AFF2: variants seen among roughly 807,000 people sequenced by gnomAD.
The protein encoded by AFF2 is ALF transcription elongation factor 2, also known as AF4/FMR2 family member 2.
In AFF2, 14 loss-of-function variants were observed where a neutral mutation model predicts 76.9. The ratio of observed to expected loss-of-function variants is 0.18; its 90% CI spans 0.12 to 0.28. The LOEUF (loss-of-function observed/expected upper bound fraction) is 0.28. Ranked by LOEUF, AFF2 falls within the 10% of genes least tolerant of loss-of-function variation. The pLI is 1.00. For missense variants in AFF2, 868 were observed against 1,001.1 expected (o/e 0.87, Z 1.79); for synonymous variants, 398 against 366.7 (o/e 1.09, Z -0.98).
intron 1 of AFF2, among the ~76,000 whole-genome samples, chrX:148,620,204 T>C (rs782004911): frequency 9.0e-5 from 10 of 111,011 alleles, no homozygotes; most frequent in African/African-American, 3.3e-4. Context: ...TGTCTCTCAT[T>C]GTTACTCAGT....
intron 1 of AFF2, among the ~76,000 whole-genome samples, chrX:148,508,623 C>T (rs1244028128): frequency 9.0e-6 from 1 of 111,630 alleles, no homozygotes; most frequent in African/African-American, 3.3e-5. Context: ...AATGCAATTA[C>T]GTAGGCTTTA....
chrX:148,678,210 T>C (rs1161279621), intron 3 of AFF2, among the ~76,000 whole-genome samples: 1 of 112,041 alleles, frequency 8.9e-6, no homozygotes, highest in Non-Finnish European at 1.9e-5. Flanking sequence ...GTGAAGAATA[T>C]AGAAGCCTGG....
intron 9 of AFF2, among the ~76,000 whole-genome samples, chrX:148,927,314 T>C (rs945122550): frequency 6.3e-5 from 7 of 111,929 alleles, no homozygotes; most frequent in Non-Finnish European, 1.1e-4. Flanking sequence ...CTAAATAAGC[T>C]TAATAATTTT....
At chrX:148,790,220 A>G (rs782271436) in intron 3 of AFF2, among the ~76,000 whole-genome samples, 13 of 111,504 alleles carry the variant, frequency 1.2e-4, no homozygotes, top group Non-Finnish European at 2.3e-4. Flanking sequence ...ACGCTTTAAT[A>G]CTGTTTAATA....
At chrX:148,855,721 T>A (rs1273582273) in intron 7 of AFF2, among the ~76,000 whole-genome samples, 1 of 111,802 alleles carries the variant, frequency 8.9e-6, no homozygotes, top group Non-Finnish European at 1.9e-5. Flanking sequence ...TGTGCTGGAA[T>A]GGCTGGGTTC....
chrX:148,988,408 C>G (rs1195939255), intron 20 of AFF2, among the ~76,000 whole-genome samples: 1 of 111,502 alleles, frequency 9.0e-6, no homozygotes, highest in Non-Finnish European at 1.9e-5. Context: ...GCAGATTTTG[C>G]AACCCAATCA....
At chrX:148,577,699 T>C (rs1451303171) in intron 1 of AFF2, among the ~76,000 whole-genome samples, 1 of 112,517 alleles carries the variant, frequency 8.9e-6, no homozygotes, top group Non-Finnish European at 1.9e-5. Context: ...TTTTGCACTT[T>C]CATTTGTTAA....
intron 9 of AFF2, among the ~76,000 whole-genome samples, chrX:148,922,799 A>T (rs2071610256): frequency 8.9e-6 from 1 of 111,749 alleles, no homozygotes; most frequent in Non-Finnish European, 1.9e-5. Flanking sequence ...TCTGTTTTTC[A>T]CTTACCATCC....
chrX:148,973,471 T>A lies in AFF2; in HGVS notation c.3268T>A (p.Phe1090Ile), dbSNP rs147991137. The part of the protein sequence containing the change: ...KKLKHKADAL[F>I]EKFGKAVNYA... ...TTGACGAGTCATCTTCCTGTTTCAG[T>A]TCGAGAAATTTGGCAAAGCTGTGAA... is the stretch of plus-strand genomic sequence containing the variant. Residue 1090 changes from phenylalanine to isoleucine, a missense_variant and splice_region_variant, in exon 16 of 21, where the codon TTC (phenylalanine) becomes ATC (isoleucine). This residue lies in a region of AFF2 where 57 missense variants were observed against 117.8 expected (regional missense o/e 0.48). Transcript: ENST00000370460. 4.1e-5 allele frequency: 50 copies of A among 1,209,373 alleles called. No homozygotes were observed. The African/African-American group carries it at 7.7e-4, about 19-fold the overall frequency.
intron 2 of AFF2, among the ~76,000 whole-genome samples, chrX:148,654,149 A>G (rs1335018080): frequency 3.6e-5 from 4 of 111,825 alleles, no homozygotes; most frequent in Non-Finnish European, 7.5e-5. Flanking sequence ...GGAAACTCCA[A>G]AGGAATGATC....
chrX:148,832,112 T>G (rs1206314612), intron 4 of AFF2, among the ~76,000 whole-genome samples: 1 of 111,513 alleles, frequency 9.0e-6, no homozygotes, highest in Non-Finnish European at 1.9e-5. Flanking sequence ...GTAGGATACC[T>G]TTTGGGAGTA....
At chrX:148,759,128 C>T (rs201138236) in intron 3 of AFF2, among the ~76,000 whole-genome samples, 2 of 111,764 alleles carry the variant, frequency 1.8e-5, no homozygotes, top group Non-Finnish European at 3.8e-5. Context: ...ATGCTAAACT[C>T]GGCAGTCCTG....
chrX:148,939,434 T>G (rs782710171), intron 9 of AFF2, among the ~76,000 whole-genome samples: 101 of 111,999 alleles, frequency 9.0e-4, no homozygotes, highest in Non-Finnish European at 1.7e-3. Flanking sequence ...ACACTAATCT[T>G]TGTGTATATG....
intron 3 of AFF2, among the ~76,000 whole-genome samples, chrX:148,725,317 G>A (rs1352113748): frequency 9.0e-6 from 1 of 111,009 alleles, no homozygotes; most frequent in Admixed American, 9.6e-5. Context: ...TGCATCCAGT[G>A]TGATTTCCTG....
At chrX:148,548,377 G>T (rs2052950559) in intron 1 of AFF2, among the ~76,000 whole-genome samples, 1 of 112,208 alleles carries the variant, frequency 8.9e-6, no homozygotes, top group South Asian at 3.7e-4. Flanking sequence ...TAACTGCAAT[G>T]TCCATCCATG....
At chrX:148,756,847 A>T (rs1557266929) in intron 3 of AFF2, among the ~76,000 whole-genome samples, 2 of 112,283 alleles carry the variant, frequency 1.8e-5, no homozygotes, top group African/African-American at 6.5e-5. Flanking sequence ...AAATGTAGTA[A>T]GTGAATAAAA....
At chrX:148,591,865 A>G (rs2053525288) in intron 1 of AFF2, among the ~76,000 whole-genome samples, 1 of 112,437 alleles carries the variant, frequency 8.9e-6, no homozygotes, top group African/African-American at 3.2e-5. Flanking sequence ...AAGGATATAC[A>G]CTGTTTTCAA....
intron 3 of AFF2, among the ~76,000 whole-genome samples, chrX:148,764,649 C>A (rs1557267565): frequency 8.9e-6 from 1 of 112,099 alleles, no homozygotes; most frequent in African/African-American, 3.2e-5. Flanking sequence ...AGTCTCTTTT[C>A]GTACGTGTAC....
intron 8 of AFF2, among the ~76,000 whole-genome samples, chrX:148,900,359 T>A (rs1324070630): frequency 9.0e-6 from 1 of 111,661 alleles, no homozygotes; most frequent in African/African-American, 3.3e-5. Context: ...ATTCTCTATA[T>A]AAAAGAAAGA....
Sources: allele counts gnomAD v4.1 joint callset (sites outside exome capture counted in the v4.1 genomes callset), GRCh38; gene constraint gnomAD v4.1.1; regional missense constraint gnomAD v4.1.1; transcripts MANE v1.5; gene names NCBI Gene and HGNC (gene_info 2026-07-23, HGNC 2026-07-21).